Variants in CCR3 observed in about 807,000 individuals in gnomAD.
CCR3 encodes the protein C-C motif chemokine receptor 3.
For missense variants in CCR3, 419 were observed against 437.5 expected, an observed-to-expected ratio of 0.96 and a Z score of 0.38; for synonymous variants, 203 against 179.2, an observed-to-expected ratio of 1.13 and a Z score of -1.06.
At chr3:46,235,915 C>T (rs951939117) in intron 2 of CCR3, among the ~76,000 whole-genome samples, 1 of 152,222 alleles carries the variant, frequency 6.6e-6, no homozygotes, top group Non-Finnish European at 1.5e-5. Flanking sequence ...TGACTGGCAC[C>T]TGGGGCATTC....
intron 1 of CCR3, among the ~76,000 whole-genome samples, chr3:46,250,560 G>A (rs1304680623): frequency 6.6e-6 from 1 of 152,162 alleles, no homozygotes; most frequent in Non-Finnish European, 1.5e-5. Flanking sequence ...TTTAGATCTT[G>A]TAGGATGGAG....
At chr3:46,246,048 A>G (rs937577505) in intron 1 of CCR3, among the ~76,000 whole-genome samples, 1 of 152,196 alleles carries the variant, frequency 6.6e-6, no homozygotes, top group Non-Finnish European at 1.5e-5. Context: ...GACTGTTATC[A>G]TCCTACTTCC....
intron 2 of CCR3, among the ~76,000 whole-genome samples, chr3:46,230,616 C>G (rs982758026): frequency 6.6e-6 from 1 of 152,118 alleles, no homozygotes; most frequent in Non-Finnish European, 1.5e-5. Context: ...GCACTCATCT[C>G]CCAGGGTCAC....
chr3:46,213,953 G>A (rs538152841), intron 2 of CCR3, among the ~76,000 whole-genome samples: 4 of 152,212 alleles, frequency 2.6e-5, no homozygotes, highest in African/African-American at 9.6e-5. Flanking sequence ...TTCTGATCCT[G>A]TCATGCCCAC....
chr3:46,253,049 ACT>A (rs1396656799), intron 1 of CCR3, among the ~76,000 whole-genome samples: 1 of 151,920 alleles, frequency 6.6e-6, no homozygotes, highest in East Asian at 1.9e-4. Flanking sequence ...ATCTCCAGAG[ACT>A]CTGATTTAAT....
intron 2 of CCR3, among the ~76,000 whole-genome samples, chr3:46,226,705 G>A (rs917986771): frequency 1.3e-5 from 2 of 152,012 alleles, no homozygotes; most frequent in East Asian, 3.9e-4. Flanking sequence ...GAGAGTAGAC[G>A]TCCTTGCTTT....
chr3:46,226,562 T>G (rs1699898506), intron 2 of CCR3, among the ~76,000 whole-genome samples: 1 of 152,188 alleles, frequency 6.6e-6, no homozygotes, highest in Admixed American at 6.5e-5. Context: ...ACCTTGGGAT[T>G]TTCTATGTAG....
At chr3:46,252,009 A>G (rs1052319399) in intron 1 of CCR3, among the ~76,000 whole-genome samples, 1 of 152,116 alleles carries the variant, frequency 6.6e-6, no homozygotes, top group Non-Finnish European at 1.5e-5. Context: ...ACATCTGGGC[A>G]TATATGTGCA....
upstream of CCR3, among the ~76,000 whole-genome samples, chr3:46,241,147 C>T (rs971579035): frequency 7.2e-5 from 10 of 138,144 alleles, no homozygotes; most frequent in African/African-American, 2.8e-5. Context: ...CTCTCTCTCT[C>T]TAATGCACAT....
At chr3:46,223,821 C>G (rs35431271) in intron 2 of CCR3, among the ~76,000 whole-genome samples, 27,204 of 152,030 alleles carry the variant, frequency 0.18, 3,994 homozygotes, top group African/African-American at 0.4. Context: ...AACTTGGCCA[C>G]GGACAGGGTG....
chr3:46,240,334 G>A (rs1029023908), upstream of CCR3, among the ~76,000 whole-genome samples: 1 of 152,112 alleles, frequency 6.6e-6, no homozygotes, highest in Non-Finnish European at 1.5e-5. Context: ...CTTGGTTCCT[G>A]GCATTAGGAT....
At chr3:46,246,412 A>T (rs569452260) in intron 1 of CCR3, among the ~76,000 whole-genome samples, 59 of 151,752 alleles carry the variant, frequency 3.9e-4, no homozygotes, top group East Asian at 3.7e-3. Flanking sequence ...GTTTTATAGG[A>T]TTTGGGTAGG....
At position 46,219,221 on chromosome 3, in the gene CCR3, T is replaced by C. The variant is rs529178926; in HGVS notation, c.-68+8314T>C. Among the ~76,000 whole-genome samples, 93 of 152,124 alleles carry C rather than the reference T, an allele frequency of 6.1e-4. 1 individual carries two copies. Among genetic ancestry groups the C allele is most frequent in the Admixed American group, 1.7e-3 (26 of 15,260 alleles). ...AGAATCAAATCAAAACCTCAACCCC[T>C]TTTATAACAGCTGCAAAAAATAATA... On this transcript the variant is annotated intron_variant, in intron 2 of 3. Transcript: ENST00000357422.
At chr3:46,251,807 G>A (rs1309445674) in intron 1 of CCR3, among the ~76,000 whole-genome samples, 2 of 152,048 alleles carry the variant, frequency 1.3e-5, no homozygotes, top group Non-Finnish European at 2.9e-5. Flanking sequence ...GCAGGAGTGG[G>A]GGTCACAAGG....
In CCR3 at chr3:46,247,718, A is replaced by C. The variant is rs1700223608; in HGVS notation, c.-12+5180A>C. Among the ~76,000 whole-genome samples the C allele has an allele frequency of 1.3e-5, 2 of 152,140 alleles. 1 individual carries two copies. Among genetic ancestry groups the C allele is most frequent in the South Asian group, 4.1e-4 (2 of 4,824 alleles). ...CGGTGCCCTTCTCAGACCCTGTAGGAAAGGCCTCTACCTATCTAGTGAAAG... is the reference window on the plus strand; with the variant it reads ...CGGTGCCCTTCTCAGACCCTGTAGGCAAGGCCTCTACCTATCTAGTGAAAG... On this transcript the variant is annotated intron_variant, in intron 1 of 1. Coordinates refer to ENST00000395940, the MANE Select transcript of CCR3 (RefSeq NM_178329.3).
At position 46,225,187 on chromosome 3, in the gene CCR3, A is replaced by G. The variant is rs1222498041; in HGVS notation, c.-68+14280A>G. 2.6e-5 allele frequency among the ~76,000 whole-genome samples: 4 copies of G among 152,236 alleles called. 1 individual carries two copies. The highest frequency in any genetic ancestry group is 2.1e-4 in the South Asian group (1 of 4,836). ...TCAAAACTGATCAGCAGTGATAGAA[A>G]TAAAATAGACATGACCTCTATGGAG... On this transcript the variant is annotated intron_variant, in intron 2 of 3. Transcript: ENST00000357422.
chr3:46,226,967 G>C (rs550299910), intron 2 of CCR3, among the ~76,000 whole-genome samples: 89 of 151,998 alleles, frequency 5.9e-4, no homozygotes, highest in South Asian at 4.2e-4. Flanking sequence ...TGCTGCCCAG[G>C]TTCAAGCGAT....
At chr3:46,249,245 C>T (rs1368554030) in intron 1 of CCR3, among the ~76,000 whole-genome samples, 1 of 152,020 alleles carries the variant, frequency 6.6e-6, no homozygotes, top group Non-Finnish European at 1.5e-5. Flanking sequence ...CAGGAATAGT[C>T]AGGGAAGCAG....
At position 46,258,834 on chromosome 3, in the gene CCR3, A is replaced by T. The variant is rs552258298; in HGVS notation, c.-11-6314A>T. ...GAGGATAATACCAAGAGTCTGAAAAATACCCCAAAACCAACCAAACCAACC... is the reference window on the plus strand; with the variant it reads ...GAGGATAATACCAAGAGTCTGAAAATTACCCCAAAACCAACCAAACCAACC... On this transcript the variant is annotated intron_variant, in intron 1 of 1. Coordinates refer to ENST00000395940, the MANE Select transcript of CCR3 (RefSeq NM_178329.3). Among the ~76,000 whole-genome samples, 3 of 152,148 alleles carry T rather than the reference A, an allele frequency of 2.0e-5. 1 individual carries two copies. The highest frequency in any genetic ancestry group is 4.4e-5 in the Non-Finnish European group (3 of 68,016).
Sources: gnomAD v4.1 joint callset for allele counts (sites outside exome capture counted in the v4.1 genomes callset) on GRCh38, gnomAD v4.1.1 for gene constraint, MANE v1.5 for transcripts, NCBI Gene and HGNC (gene_info 2026-07-23, HGNC 2026-07-21) for gene names.